Variants in MTUS2 observed in about 807,000 individuals in gnomAD.
MTUS2 encodes the protein microtubule associated scaffold protein 2, also known as microtubule-associated tumor suppressor candidate 2.
MTUS2 carries 40 observed loss-of-function variants against 114.1 expected under a neutral mutation model. The ratio of observed to expected loss-of-function variants is 0.35; its 90% CI spans 0.27 to 0.46. MTUS2 has a LOEUF of 0.46. Ranked by LOEUF, MTUS2 falls within the 20% of genes least tolerant of loss-of-function variation. MTUS2 has a pLI of 1.00. For synonymous variants in MTUS2, 688 were observed against 672.0 expected (o/e 1.02, Z -0.37); for missense variants, 1,679 against 1,705.4 (o/e 0.98, Z 0.27).
At position 29,155,201 on chromosome 13, in the gene MTUS2, G is replaced by A. The variant is rs578237723; in HGVS notation, c.2644+54231G>A. Among the ~76,000 whole-genome samples the A allele has an allele frequency of 5.3e-5, 8 of 152,324 alleles. No homozygotes were observed. The South Asian group carries it at 8.3e-4, about 16-fold the overall frequency. ...TATTTGATGAAACTGGACTCTCTCCGATAGCGCTAAGCATGCTTTCTCAGC... is the reference window on the plus strand; with the variant it reads ...TATTTGATGAAACTGGACTCTCTCCAATAGCGCTAAGCATGCTTTCTCAGC... On this transcript the variant is annotated intron_variant, in intron 5 of 15. Coordinates refer to ENST00000612955, the MANE Select transcript of MTUS2 (RefSeq NM_001033602.4).
chr13:29,211,752 G>A (rs562624329), intron 5 of MTUS2, among the ~76,000 whole-genome samples: 6 of 151,820 alleles, frequency 4.0e-5, no homozygotes, highest in Admixed American at 2.6e-4. Context: ...GTGTTTGGGG[G>A]CAGTCGTTCC....
chr13:29,429,298 T>C (rs571322095), intron 8 of MTUS2, among the ~76,000 whole-genome samples: 78 of 152,376 alleles, frequency 5.1e-4, no homozygotes, highest in African/African-American at 1.8e-3. Context: ...CTTCGCCAAG[T>C]GCTAACTTTG....
At chr13:29,171,457 C>T (rs557012870) in intron 5 of MTUS2, among the ~76,000 whole-genome samples, 5 of 152,156 alleles carry the variant, frequency 3.3e-5, no homozygotes, top group African/African-American at 1.2e-4. Flanking sequence ...GTAATGAGAC[C>T]TCACAGATGA....
rs571751764 is a variant in MTUS2, at chr13:29,408,174, A to T, written c.3118-31809A>T. Among the ~76,000 whole-genome samples the T allele has an allele frequency of 1.3e-4, 20 of 152,268 alleles. No individual in the cohort carries two copies. In the South Asian group the frequency reaches 3.1e-3, roughly 24 times the overall value. On this transcript the variant is annotated intron_variant, in intron 8 of 15. Transcript: ENST00000612955. ...TTTTCTAAACTAAACTTCTAATTTT[A>T]ACGGGTATATAATGTATCATTATTT...
At chr13:29,259,422 A>T (rs957332121) in intron 5 of MTUS2, among the ~76,000 whole-genome samples, 13 of 152,206 alleles carry the variant, frequency 8.5e-5, no homozygotes, top group Admixed American at 5.2e-4. Context: ...AGAGGCAAAG[A>T]GACCCACCTG....
intron 4 of MTUS2, among the ~76,000 whole-genome samples, chr13:29,081,363 A>G (rs1889432395): frequency 6.6e-6 from 1 of 152,076 alleles, no homozygotes; most frequent in Non-Finnish European, 1.5e-5. Context: ...CCTGATGTCT[A>G]ACTGACGACT....
chr13:29,414,487 A>G (rs1387812628), intron 8 of MTUS2, among the ~76,000 whole-genome samples: 3 of 139,552 alleles, frequency 2.1e-5, no homozygotes, highest in African/African-American at 5.2e-5. Flanking sequence ...AAAAAAAAAA[A>G]GAAGACTGTA....
chr13:29,406,662 G>A (rs1874778014), intron 8 of MTUS2, among the ~76,000 whole-genome samples: 1 of 152,186 alleles, frequency 6.6e-6, no homozygotes. Flanking sequence ...GACCACAACA[G>A]GTGTAATATC....
chr13:29,286,236 AT>A (rs1039632621), intron 6 of MTUS2, among the ~76,000 whole-genome samples: 23 of 152,160 alleles, frequency 1.5e-4, no homozygotes, highest in Non-Finnish European at 3.4e-4. Flanking sequence ...TATTGTTAAT[AT>A]TTTGAGTTTG....
intron 15 of MTUS2, 35 bp from the exon 16 acceptor site, chr13:29,502,958 A>G (rs774744501): frequency 1.2e-6 from 2 of 1,605,890 alleles, no homozygotes; most frequent in African/African-American, 1.3e-5. Flanking sequence ...GTCCACTAGC[A>G]TGATTGCTAC....
intron 7 of MTUS2, among the ~76,000 whole-genome samples, chr13:29,353,163 A>T (rs1869442846): frequency 6.6e-6 from 1 of 151,896 alleles, no homozygotes; most frequent in South Asian, 2.1e-4. Context: ...TGAGTATTGG[A>T]TATATTTTTA....
chr13:28,991,544 A>G (rs1884855190), intron 2 of MTUS2, among the ~76,000 whole-genome samples: 1 of 151,688 alleles, frequency 6.6e-6, no homozygotes, highest in South Asian at 2.1e-4. Context: ...AATTTTTTGT[A>G]TTTTTAGTAG....
Position 29,375,634 on chromosome 13 carries a change from TATATAC to T in MTUS2, c.3117+16163_3117+16168del, listed in dbSNP as rs1193324818. Among the ~76,000 whole-genome samples the T allele has an allele frequency of 2.6e-3, 22 of 8,610 alleles. 4 individuals are homozygous for T. Among genetic ancestry groups the T allele is most frequent in the African/African-American group, 3.9e-3 (22 of 5,686 alleles). The allele number at this position is 8,610 out of a possible 152,430, so 5.6% of individuals were successfully genotyped here. ...GTATATATATATATATATATATATA[TATATAC>T]ACACACCATGAAATACCACTCAGCT... On this transcript the variant is annotated intron_variant, in intron 8 of 15. Transcript: ENST00000612955.
chr13:29,475,354 T>TTGATAATATAAATG (rs1244865304), intron 9 of MTUS2, among the ~76,000 whole-genome samples: 2 of 152,264 alleles, frequency 1.3e-5, no homozygotes, highest in Admixed American at 6.5e-5. Context: ...ATGACTTTGT[T>TTGATAATATAAATG]ACTGGTTTAT....
intron 2 of MTUS2, among the ~76,000 whole-genome samples, chr13:28,966,919 C>G (rs988173305): frequency 6.6e-6 from 1 of 152,104 alleles, no homozygotes; most frequent in African/African-American, 2.4e-5. Flanking sequence ...GAAATTTGTA[C>G]AAGCTGAATT....
intron 12 of MTUS2, 76 bp downstream of exon 12, chr13:29,492,795 T>A: frequency 8.8e-7 from 1 of 1,138,980 alleles, no homozygotes; most frequent in Non-Finnish European, 1.3e-6. Flanking sequence ...AAACATTCAT[T>A]CAGCACCTAC....
intron 5 of MTUS2, among the ~76,000 whole-genome samples, chr13:29,190,187 C>T (rs767537893): frequency 2.6e-5 from 4 of 152,108 alleles, no homozygotes; most frequent in South Asian, 2.1e-4. Context: ...CTAAGCAGAC[C>T]GAGATACCCA....
rs1358275993 is a variant in MTUS2 at position 29,503,481 on chromosome 13, G to A, written c.*275G>A. 1.8e-6 allele frequency: 1 copy of A among 556,772 alleles called. No homozygotes were observed. Among genetic ancestry groups the A allele is most frequent in the Non-Finnish European group, 3.2e-6 (1 of 310,616 alleles). The allele number at this position is 556,772 out of a possible 1,614,324, so 34.5% of individuals were successfully genotyped here. A position where few individuals can be genotyped will look rare whatever the true frequency, so the allele number is the denominator to read the frequency against. On this transcript the variant is annotated 3_prime_UTR_variant, in exon 16 of 16. Coordinates refer to ENST00000612955, the MANE Select transcript of MTUS2 (RefSeq NM_001033602.4). Reference sequence around the variant, plus strand: ...TGTTCTTGAGCAATGAACTTTCACTGCAGAATTTCAGGTTAGTTACAAAAA... The same window carrying A: ...TGTTCTTGAGCAATGAACTTTCACTACAGAATTTCAGGTTAGTTACAAAAA...
At position 29,210,903 on chromosome 13, in the gene MTUS2, T is replaced by A. The variant is rs562942452; in HGVS notation, c.2645-70801T>A. Among the ~76,000 whole-genome samples the A allele has an allele frequency of 1.2e-4, 19 of 152,278 alleles. 2 individuals are homozygous for A. The East Asian group carries it at 1.7e-3, about 14-fold the overall frequency. On this transcript the variant is annotated intron_variant, in intron 5 of 15. Transcript: ENST00000612955. ...TGCACTGGATTAGTGTTGGTTGGCC[T>A]CCAGCCAGGAGGTGACGCTTTCAAG...
Sources: allele counts gnomAD v4.1 joint callset (sites outside exome capture counted in the v4.1 genomes callset), GRCh38; gene constraint gnomAD v4.1.1; transcripts MANE v1.5; gene names NCBI Gene and HGNC (gene_info 2026-07-23, HGNC 2026-07-21).